Variants in POU6F2 observed in about 807,000 individuals in gnomAD.
The protein encoded by POU6F2 is POU class 6 homeobox 2.
In POU6F2, 31 loss-of-function variants were observed where a neutral mutation model predicts 71.3. The observed-to-expected ratio is 0.43, with a 90% CI of 0.33 to 0.59. POU6F2 has a LOEUF of 0.59. Ranked by LOEUF, POU6F2 falls within the 20% of genes least tolerant of loss-of-function variation. The pLI is 0.04. For missense variants in POU6F2, 783 were observed against 856.8 expected (o/e 0.91, Z 1.07); for synonymous variants, 347 against 355.7 (o/e 0.98, Z 0.27).
At chr7:39,244,366 C>T (rs1381489974) in intron 4 of POU6F2, among the ~76,000 whole-genome samples, 4 of 152,168 alleles carry the variant, frequency 2.6e-5, no homozygotes, top group African/African-American at 4.8e-5. Flanking sequence ...GATTCTGTGG[C>T]AAGAGCTGAG....
At chr7:39,113,169 A>G (rs143065500) in intron 2 of POU6F2, among the ~76,000 whole-genome samples, 22 of 152,306 alleles carry the variant, frequency 1.4e-4, no homozygotes, top group Non-Finnish European at 2.2e-4. Flanking sequence ...CCACTTTATG[A>G]GAATGTATCA....
At chr7:39,121,211 T>C (rs1219809377) in intron 2 of POU6F2, among the ~76,000 whole-genome samples, 3 of 152,256 alleles carry the variant, frequency 2.0e-5, no homozygotes, top group Admixed American at 1.3e-4. Context: ...TTACAAGCTG[T>C]GTAAACTCTG....
At chr7:39,235,795 A>G (rs1002404356) in intron 4 of POU6F2, among the ~76,000 whole-genome samples, 3 of 152,188 alleles carry the variant, frequency 2.0e-5, no homozygotes, top group African/African-American at 7.2e-5. Flanking sequence ...AATCATATGC[A>G]TGGTGCCCAT....
chr7:39,274,045 G>A (rs1333794592), intron 4 of POU6F2, among the ~76,000 whole-genome samples: 3 of 151,910 alleles, frequency 2.0e-5, no homozygotes, highest in Non-Finnish European at 4.4e-5. Flanking sequence ...TCAAGAATTT[G>A]GTGACCTTCT....
intron 1 of POU6F2, among the ~76,000 whole-genome samples, chr7:39,075,723 G>A (rs1273150467): frequency 6.6e-6 from 1 of 152,228 alleles, no homozygotes; most frequent in East Asian, 1.9e-4. Context: ...TCAGTGACAT[G>A]AAGATGCTTC....
intron 2 of POU6F2, among the ~76,000 whole-genome samples, chr7:39,171,771 A>G (rs1333636845): frequency 6.6e-6 from 1 of 152,184 alleles, no homozygotes; most frequent in Non-Finnish European, 1.5e-5. Context: ...CAGCAGCACC[A>G]TCCACTCAAT....
chr7:39,110,245 T>A (rs1791779018), intron 2 of POU6F2, among the ~76,000 whole-genome samples: 1 of 137,384 alleles, frequency 7.3e-6, no homozygotes, highest in Admixed American at 8.0e-5. Flanking sequence ...CACTCCAGGC[T>A]GGGACAGAGC....
At position 39,129,875 on chromosome 7, in the gene POU6F2, A is replaced by G. The variant is rs562914868; in HGVS notation, c.277+43844A>G. On this transcript the variant is annotated intron_variant, in intron 2 of 9. Transcript: ENST00000518318. ...TCAGGAGATTGAAACCATCCTGGCT[A>G]ACACGGTGTGAAATCCCGACTCTAC... Among the ~76,000 whole-genome samples, 9 of 152,106 alleles carry G rather than the reference A, an allele frequency of 5.9e-5. No homozygotes were observed. In the East Asian group the frequency reaches 1.7e-3, roughly 29 times the overall value.
intron 2 of POU6F2, among the ~76,000 whole-genome samples, chr7:39,181,400 C>G (rs1326591791): frequency 6.6e-6 from 1 of 152,206 alleles, no homozygotes; most frequent in African/African-American, 2.4e-5. Context: ...TTACCCAGCA[C>G]TCTTTACTCC....
rs76429189 is a variant in POU6F2 at position 39,269,711 on chromosome 7, A to G, written c.598+62091A>G. 2.2e-4 allele frequency among the ~76,000 whole-genome samples: 33 copies of G among 152,288 alleles called. No homozygotes were observed. In the East Asian group the frequency reaches 5.2e-3, roughly 24 times the overall value. On this transcript the variant is annotated intron_variant, in intron 4 of 9. Transcript: ENST00000518318. ...AGCACCCCCTGAGCCTGTTGAAGTG[A>G]AGCCTGCTAGGGCTTTGTGTTCACT...
At chr7:39,001,921 A>T (rs559256863) in intron 1 of POU6F2, 1 of 151,884 alleles carries the variant, frequency 6.6e-6, no homozygotes, top group Admixed American at 6.6e-5. Context: ...GGTGATAGTG[A>T]TGATGTGGTG....
chr7:39,133,392 G>A (rs958456295), intron 2 of POU6F2, among the ~76,000 whole-genome samples: 12 of 152,226 alleles, frequency 7.9e-5, no homozygotes, highest in African/African-American at 2.9e-4. Context: ...GTGTAAAAGA[G>A]AGCAGGGCTG....
intron 2 of POU6F2, among the ~76,000 whole-genome samples, chr7:39,143,244 C>A (rs1361877058): frequency 6.6e-6 from 1 of 152,158 alleles, no homozygotes; most frequent in East Asian, 1.9e-4. Context: ...ACCTAGTGAA[C>A]TGATAAAACG....
At chr7:39,023,170 C>T (rs1487146690) in intron 1 of POU6F2, among the ~76,000 whole-genome samples, 1 of 151,718 alleles carries the variant, frequency 6.6e-6, no homozygotes, top group Non-Finnish European at 1.5e-5. Context: ...AAGTTTTTTG[C>T]CTAGTTTTAA....
In POU6F2 at chr7:39,460,398, C is replaced by T. The variant is rs1583622006; in HGVS notation, c.1490-149C>T. 14 of 791,620 alleles carry T rather than the reference C, an allele frequency of 1.8e-5. No individual in the cohort carries two copies. The East Asian group carries it at 3.8e-4, about 22-fold the overall frequency. The allele number at this position is 791,620 out of a possible 1,614,324, so 49.0% of individuals were successfully genotyped here. A position where few individuals can be genotyped will look rare whatever the true frequency, so the allele number is the denominator to read the frequency against. On this transcript the variant is annotated intron_variant, in intron 8 of 9. Transcript: ENST00000518318. The surrounding 1 kb of genome is among the most constrained non-coding windows in gnomAD (Gnocchi z 4.4). ...GTTGCGGATGGAGTGTTGGGTGTCT[C>T]ACCTGGGAGACAAAGCGAACATTCT...
chr7:39,158,135 A>G (rs1260286122), intron 2 of POU6F2, among the ~76,000 whole-genome samples: 1 of 152,146 alleles, frequency 6.6e-6, no homozygotes, highest in Admixed American at 6.5e-5. Flanking sequence ...TCTTCCTAGA[A>G]TGTTGTGATT....
chr7:39,140,840 T>C (rs1001473302), intron 2 of POU6F2, among the ~76,000 whole-genome samples: 17 of 152,168 alleles, frequency 1.1e-4, no homozygotes, highest in African/African-American at 4.1e-4. Flanking sequence ...ATTTGGAATG[T>C]ATCCTGAGTG....
intron 4 of POU6F2, among the ~76,000 whole-genome samples, chr7:39,214,519 C>T (rs1252767405): frequency 6.6e-6 from 1 of 152,172 alleles, no homozygotes; most frequent in African/African-American, 2.4e-5. Context: ...GATGCTTGGG[C>T]CTGCTGCTGT....
chr7:39,042,131 A>G (rs545353165), intron 1 of POU6F2, among the ~76,000 whole-genome samples: 7 of 152,066 alleles, frequency 4.6e-5, no homozygotes, highest in Non-Finnish European at 7.4e-5. Flanking sequence ...TTCCATTTCA[A>G]TGCCCACTGA....
Sources: allele counts gnomAD v4.1 joint callset (sites outside exome capture counted in the v4.1 genomes callset), GRCh38; gene constraint gnomAD v4.1.1; non-coding constraint Gnocchi (gnomAD v3.1); transcripts MANE v1.5; gene names NCBI Gene and HGNC (gene_info 2026-07-23, HGNC 2026-07-21).